HSDL2: variants seen among roughly 807,000 people sequenced by gnomAD.
HSDL2 encodes the protein hydroxysteroid dehydrogenase like 2, also known as hydroxysteroid dehydrogenase-like protein 2.
A neutral mutation model predicts 46.3 loss-of-function variants in HSDL2; 27 were observed. The ratio of observed to expected loss-of-function variants is 0.58; its 90% confidence interval spans 0.43 to 0.80. The LOEUF is 0.80. Among genes scored for constraint, HSDL2 ranks in the 30% least tolerant of loss-of-function variants. The probability of loss-of-function intolerance (pLI) is 0.00; values close to 1 mark genes in which losing one functional copy is unlikely to be tolerated. For missense variants in HSDL2, 451 were observed against 502.7 expected, an observed-to-expected ratio of 0.90 and a Z score of 0.98; for synonymous variants, 153 against 163.6, an observed-to-expected ratio of 0.94 and a Z score of 0.50.
intron 1 of HSDL2, among the ~76,000 whole-genome samples, chr9:112,382,998 A>T (rs1434185540): frequency 7.3e-6 from 1 of 137,504 alleles, no homozygotes; most frequent in Non-Finnish European, 1.6e-5. Context: ...TTAAACCGAG[A>T]TCTTTCTTTC....
chr9:112,398,374 A>G (rs1831507027), intron 1 of HSDL2, among the ~76,000 whole-genome samples: 1 of 151,932 alleles, frequency 6.6e-6, no homozygotes, highest in Admixed American at 6.6e-5. Context: ...AAAGGCTGCA[A>G]AGGTTTGAAG....
At chr9:112,467,947 A>T (rs10114968) in intron 10 of HSDL2, among the ~76,000 whole-genome samples, 144,861 of 152,174 alleles carry the variant, frequency 0.95, 69,000 homozygotes, top group South Asian at 0.98. Flanking sequence ...TACATCTTCA[A>T]TTTGGTGGCA....
At chr9:112,452,715 C>T (rs1230097137) in intron 8 of HSDL2, among the ~76,000 whole-genome samples, 1 of 152,150 alleles carries the variant, frequency 6.6e-6, no homozygotes, top group South Asian at 2.1e-4. Context: ...CACTGCACTC[C>T]AGCCTGGGTG....
In HSDL2 at chr9:112,441,686, G is replaced by T; in HGVS notation, c.794-13G>T. On this transcript the variant is annotated splice_polypyrimidine_tract_variant and intron_variant, in intron 7 of 10. Coordinates refer to ENST00000398805, the MANE Select transcript of HSDL2 (RefSeq NM_032303.5). ...AGTTACATTAACCTAATGGTTTGGG[G>T]TCAATTTTTCAGGTCATCCTTTGCA... The T allele has an allele frequency of 1.3e-6, 2 of 1,599,816 alleles. No homozygotes were observed. The highest frequency in any genetic ancestry group is 2.7e-5 in the African/African-American group (2 of 74,698).
chr9:112,403,031 A>C (rs952373142), intron 1 of HSDL2, among the ~76,000 whole-genome samples: 12 of 152,154 alleles, frequency 7.9e-5, no homozygotes, highest in Admixed American at 4.6e-4. Context: ...CATTTGAATC[A>C]GAATATTTCA....
chr9:112,390,432 C>G, intron 1 of HSDL2, among the ~76,000 whole-genome samples: 1 of 152,002 alleles, frequency 6.6e-6, no homozygotes, highest in Non-Finnish European at 1.5e-5. Context: ...AAAATTAATT[C>G]CAGGTAGATT....
chr9:112,387,254 C>G (rs1444464043), intron 1 of HSDL2, among the ~76,000 whole-genome samples: 4 of 149,936 alleles, frequency 2.7e-5, no homozygotes, highest in Non-Finnish European at 5.9e-5. Flanking sequence ...GGGTCTCACT[C>G]TGTGGTTCAG....
chr9:112,408,831 T>C, intron 3 of HSDL2, 76 bp from the exon 4 acceptor site: 1 of 737,078 alleles, frequency 1.4e-6, no homozygotes, highest in Non-Finnish European at 2.3e-6. Flanking sequence ...CAACTGAGGG[T>C]TCAAGAGAGT....
At chr9:112,390,065 A>AAAAT (rs55985147) in intron 1 of HSDL2, among the ~76,000 whole-genome samples, 55,051 of 142,702 alleles carry the variant, frequency 0.39, 11,019 homozygotes, top group South Asian at 0.47. Flanking sequence ...ACTCTGTCTC[A>AAAAT]AAATAAATAA....
chr9:112,403,838 T>G (rs186081435), intron 1 of HSDL2, among the ~76,000 whole-genome samples, 157 bp from the exon 2 acceptor site: 5 of 152,306 alleles, frequency 3.3e-5, no homozygotes, highest in Admixed American at 3.3e-4. Context: ...AATGGGAGTA[T>G]AGTGGAGTTA....
intron 6 of HSDL2, among the ~76,000 whole-genome samples, chr9:112,425,729 T>C (rs75289395): frequency 0.011 from 1,653 of 152,292 alleles, 35 homozygotes; most frequent in African/African-American, 0.038. Context: ...TAGAACTGAT[T>C]TTTATTTATT....
In HSDL2 at chr9:112,387,519, T is replaced by C. The variant is rs116410233; in HGVS notation, c.17+7339T>C. Among the ~76,000 whole-genome samples, 1,147 of 152,274 alleles carry C rather than the reference T, an allele frequency of 7.5e-3. 21 individuals carry two copies. Among genetic ancestry groups the C allele is most frequent in the African/African-American group, 0.026 (1,088 of 41,546 alleles). The stretch of plus-strand genomic sequence containing the variant: ...ATAGGCATGAGCCACCATGCCTACC[T>C]AGGATTTGTTTTCTGATGATTGCTT... On this transcript the variant is annotated intron_variant, in intron 1 of 10. Coordinates refer to ENST00000398805, the MANE Select transcript of HSDL2 (RefSeq NM_032303.5).
chr9:112,447,714 C>G (rs1419318716), intron 8 of HSDL2, among the ~76,000 whole-genome samples: 1 of 152,106 alleles, frequency 6.6e-6, no homozygotes, highest in East Asian at 1.9e-4. Flanking sequence ...AATTGCTAAA[C>G]ATAGAAGGAA....
At chr9:112,386,630 A>AG (rs2132591661) in intron 1 of HSDL2, among the ~76,000 whole-genome samples, 1 of 149,414 alleles carries the variant, frequency 6.7e-6, no homozygotes, top group Non-Finnish European at 1.5e-5. Context: ...AAAAAAAAAT[A>AG]AAAATTAACC....
rs541358084 is a variant in HSDL2 at position 112,470,471 on chromosome 9, T to C, written c.1184T>C (p.Leu395Ser). The change falls in exon 11 of 11, where the codon TTG (leucine) becomes TCG (serine). Residue 395 changes from leucine (L) to serine (S), a missense_variant. Transcript: ENST00000398805. ...KPTMAFMSGK[L>S]KIKGNMALAI... ...ACAATGGCATTCATGTCAGGGAAAT[T>C]GAAGATTAAAGGTAACATGGCCCTA... 3 of 1,611,946 alleles carry C rather than the reference T, an allele frequency of 1.9e-6. No individual in the cohort carries two copies. The African/African-American group carries it at 4.0e-5, about 22-fold the overall frequency.
intron 4 of HSDL2, among the ~76,000 whole-genome samples, chr9:112,414,538 C>T (rs1454383492): frequency 6.6e-6 from 1 of 152,072 alleles, no homozygotes; most frequent in African/African-American, 2.4e-5. Context: ...GTAGGATTAG[C>T]AATGTTGAGG....
rs769571189 is a variant in HSDL2, at chr9:112,391,886, C to CAAAAA, written c.17+11714_17+11718dup. Among the ~76,000 whole-genome samples the CAAAAA allele has an allele frequency of 3.6e-5, 2 of 55,184 alleles. 1 individual carries two copies. Among genetic ancestry groups the CAAAAA allele is most frequent in the Non-Finnish European group, 8.0e-5 (2 of 24,874 alleles). The allele number at this position is 55,184 out of a possible 152,430, so 36.2% of individuals were successfully genotyped here. A position where few individuals can be genotyped will look rare whatever the true frequency, so the allele number is the denominator to read the frequency against. On this transcript the variant is annotated intron_variant, in intron 1 of 10. Transcript: ENST00000398805. ...GGGCGACAAGAGCAAAACTCTGTCT[C>CAAAAA]AAAAAAAAAAAAGAAAAGAAAAGAA... is the stretch of plus-strand genomic sequence containing the variant.
intron 8 of HSDL2, among the ~76,000 whole-genome samples, chr9:112,443,539 G>A (rs1832683948): frequency 6.6e-6 from 1 of 152,044 alleles, no homozygotes; most frequent in South Asian, 2.1e-4. Flanking sequence ...CTTAGTCTGG[G>A]CAACATGGTG....
At chr9:112,429,691 T>C (rs188068614) in intron 6 of HSDL2, among the ~76,000 whole-genome samples, 17 of 152,272 alleles carry the variant, frequency 1.1e-4, no homozygotes, top group Admixed American at 1.1e-3. Flanking sequence ...AATGGCAAAG[T>C]ATATAGTATG....
Sources: gnomAD v4.1 joint callset for allele counts (sites outside exome capture counted in the v4.1 genomes callset) on GRCh38, gnomAD v4.1.1 for gene constraint, MANE v1.5 for transcripts, NCBI Gene and HGNC (gene_info 2026-07-23, HGNC 2026-07-21) for gene names.